Variants in CLCN3 observed in about 807,000 individuals in gnomAD.
CLCN3 encodes the protein Cl-/H+ antiporter 3, also known as H(+)/Cl(-) exchange transporter 3.
CLCN3 carries 16 observed loss-of-function variants against 83.4 expected under a neutral mutation model. The observed-to-expected ratio is 0.19, with a 90% confidence interval of 0.13 to 0.29. The LOEUF (loss-of-function observed/expected upper bound fraction) is 0.29, where lower values mean the gene tolerates loss of function less well. CLCN3 is among the 10% of genes least tolerant of loss of function. The pLI, the probability that CLCN3 is intolerant of heterozygous loss-of-function variation, is 1.00. For synonymous variants in CLCN3, 322 were observed against 346.2 expected, an observed-to-expected ratio of 0.93 and a Z score of 0.78; for missense variants, 544 against 1,006.0, an observed-to-expected ratio of 0.54 and a Z score of 6.21.
chr4:169,701,904 G>A (rs1732798684), intron 9 of CLCN3, among the ~76,000 whole-genome samples: 1 of 152,080 alleles, frequency 6.6e-6, no homozygotes, highest in Non-Finnish European at 1.5e-5. Context: ...TGGCCTGCTA[G>A]CACTTGGGAG....
At chr4:169,703,337 A>G (rs954624235) in intron 9 of CLCN3, among the ~76,000 whole-genome samples, 1 of 152,244 alleles carries the variant, frequency 6.6e-6, no homozygotes, top group African/African-American at 2.4e-5. Context: ...TCTGTATATC[A>G]GTCAAAATAT....
At chr4:169,714,633 A>C (rs1429760410) in intron 12 of CLCN3, among the ~76,000 whole-genome samples, 1 of 152,154 alleles carries the variant, frequency 6.6e-6, no homozygotes, top group Admixed American at 6.5e-5. Context: ...GTGATTTCTT[A>C]AACTACTAAA....
At chr4:169,714,259 A>G (rs967562180) in intron 12 of CLCN3, among the ~76,000 whole-genome samples, 1 of 152,062 alleles carries the variant, frequency 6.6e-6, no homozygotes, top group Non-Finnish European at 1.5e-5. Flanking sequence ...TGAAATTCTA[A>G]ACAGAGAATC....
intron 2 of CLCN3, chr4:169,662,982 A>G (rs1364498060): frequency 2.0e-5 from 3 of 151,956 alleles, no homozygotes; most frequent in Non-Finnish European, 4.4e-5. Flanking sequence ...CAAGATGTTT[A>G]AGTAGTTTTA....
chr4:169,713,335 T>TA, intron 12 of CLCN3, 40 bp downstream of exon 12: 1 of 1,472,796 alleles, frequency 6.8e-7, no homozygotes, highest in Non-Finnish European at 9.5e-7. Context: ...CTTGCTAGAA[T>TA]ATAGGATCCT....
chr4:169,676,094 T>C (rs1254192865), intron 2 of CLCN3, among the ~76,000 whole-genome samples: 2 of 152,244 alleles, frequency 1.3e-5, no homozygotes, highest in Admixed American at 6.5e-5. Context: ...GTTTTCTCTG[T>C]ATTCTGTGTA....
chr4:169,690,137 C>CT (rs397769904), intron 5 of CLCN3, among the ~76,000 whole-genome samples: 96,369 of 110,654 alleles, frequency 0.87, 42,504 homozygotes, highest in East Asian at 0.94. Flanking sequence ...TCTTTTCTTT[C>CT]TTTTTTTTTT....
intron 9 of CLCN3, among the ~76,000 whole-genome samples, chr4:169,701,190 A>C (rs1228223150): frequency 6.6e-6 from 1 of 152,230 alleles, no homozygotes; most frequent in Non-Finnish European, 1.5e-5. Context: ...CAATGTTCAC[A>C]ACATCTTTAC....
chr4:169,690,719 A>G lies in CLCN3; in HGVS notation c.729+67A>G, dbSNP rs569381196. 6.0e-5 allele frequency: 89 copies of G among 1,481,554 alleles called. No homozygotes were observed. In the East Asian group the frequency reaches 1.9e-3, roughly 31 times the overall value. 91.8% of individuals were successfully genotyped at this position (1,481,554 alleles called of 1,614,324 possible). A position where few individuals can be genotyped will look rare whatever the true frequency, so the allele number is the denominator to read the frequency against. On this transcript the variant is annotated intron_variant, in intron 6 of 12. Transcript: ENST00000513761. ...TGCTTATCTTTTTGACCTTAGTGAT[A>G]ATAAAAGTTGGCTTTTCTGGAGGGA...
intron 6 of CLCN3, 91 bp downstream of exon 6, chr4:169,690,743 G>A: frequency 8.0e-7 from 1 of 1,253,706 alleles, no homozygotes; most frequent in Non-Finnish European, 1.1e-6. Context: ...TTTCTGGAGG[G>A]AGGGGATAGT....
At chr4:169,652,543 A>T (rs1277541116) in intron 2 of CLCN3, among the ~76,000 whole-genome samples, 1 of 152,184 alleles carries the variant, frequency 6.6e-6, no homozygotes, top group East Asian at 1.9e-4. Context: ...TTTACTTTTG[A>T]TGGATCTTGA....
intron 1 of CLCN3, among the ~76,000 whole-genome samples, chr4:169,629,488 G>A (rs1273842599): frequency 6.6e-6 from 1 of 151,578 alleles, no homozygotes; most frequent in Admixed American, 6.6e-5. Flanking sequence ...CTTCTGCCTC[G>A]GCCTCCTGAG....
intron 2 of CLCN3, among the ~76,000 whole-genome samples, chr4:169,651,588 C>G (rs1730732922): frequency 6.6e-6 from 1 of 152,148 alleles, no homozygotes; most frequent in Non-Finnish European, 1.5e-5. Flanking sequence ...CTGTAGATTA[C>G]TTATGATACC....
At chr4:169,639,222 G>A (rs1204787609) in intron 2 of CLCN3, among the ~76,000 whole-genome samples, 3 of 152,226 alleles carry the variant, frequency 2.0e-5, no homozygotes, top group South Asian at 2.1e-4. Context: ...TGTAACAATG[G>A]GGTCTCACTG....
At chr4:169,697,788 T>C (rs979535067) in intron 9 of CLCN3, 54 bp downstream of exon 9, 43 of 1,171,232 alleles carry the variant, frequency 3.7e-5, no homozygotes, top group Middle Eastern at 2.1e-4. Flanking sequence ...TCAAAACTTA[T>C]ATGTGGAATG....
chr4:169,629,439 C>T lies in CLCN3; in HGVS notation c.-16-6474C>T, dbSNP rs558300335. 3.3e-5 allele frequency among the ~76,000 whole-genome samples: 5 copies of T among 152,012 alleles called. No individual in the cohort carries two copies. In the East Asian group the frequency reaches 7.7e-4, roughly 24 times the overall value. On this transcript the variant is annotated intron_variant, in intron 1 of 12. Coordinates refer to ENST00000513761, the MANE Select transcript of CLCN3 (RefSeq NM_001829.4). Reference sequence around the variant, plus strand: ...TGGAGTGCAGTGAGTGGTGTGATCTCAGCTCACTGCAACCTCTGCCTCCTG... The same window carrying T: ...TGGAGTGCAGTGAGTGGTGTGATCTTAGCTCACTGCAACCTCTGCCTCCTG...
In CLCN3 at chr4:169,704,195, T is replaced by C; in HGVS notation, c.1750+11T>C. 5.6e-6 allele frequency: 9 copies of C among 1,603,172 alleles called. No individual in the cohort carries two copies. The highest frequency in any genetic ancestry group is 7.7e-6 in the Non-Finnish European group (9 of 1,172,466). On this transcript the variant is annotated intron_variant, in intron 10 of 12. Transcript: ENST00000513761. The stretch of plus-strand genomic sequence containing the variant: ...CTGCTGCATGCTTAGGTAATATGGC[T>C]GTGTCTGCCTGTGTGTGGATGTTTG...
At position 169,704,159 on chromosome 4, in the gene CLCN3, C is replaced by T. The variant is rs1398528162; in HGVS notation, c.1725C>T (p.Ala575=). ...ATTGCATTACACCTGGCCTTTATGC[C>T]ATGGTTGGTGCTGCTGCATGCTTAG... ...GADCITPGLY[A]MVGAAACLGG... is the part of the protein sequence containing the mutation. Residue 575 remains alanine (A), a synonymous_variant, in exon 10 of 13, where the codon GCC becomes GCT. Coordinates refer to ENST00000513761, the MANE Select transcript of CLCN3 (RefSeq NM_001829.4). 1.9e-6 allele frequency: 3 copies of T among 1,612,872 alleles called. No individual in the cohort carries two copies. In the African/African-American group the frequency reaches 4.0e-5, roughly 22 times the overall value.
At chr4:169,625,814 A>G (rs1773219831) in intron 1 of CLCN3, among the ~76,000 whole-genome samples, 1 of 152,210 alleles carries the variant, frequency 6.6e-6, no homozygotes, top group Non-Finnish European at 1.5e-5. Flanking sequence ...TGAGCAGGGT[A>G]AAATCACAGC....
Sources: allele counts gnomAD v4.1 joint callset (sites outside exome capture counted in the v4.1 genomes callset), GRCh38; gene constraint gnomAD v4.1.1; transcripts MANE v1.5; gene names NCBI Gene and HGNC (gene_info 2026-07-23, HGNC 2026-07-21).